The following ULK4 variants were observed in gnomAD, a reference collection of about 807,000 sequenced individuals.
ULK4 encodes the protein unc-51 like kinase 4.
Under a neutral mutation model 160.6 loss-of-function variants are expected in ULK4, and 133 were observed. The observed-to-expected ratio is 0.83, with a 90% CI of 0.72 to 0.96. The LOEUF (loss-of-function observed/expected upper bound fraction) is 0.96. Ranked by LOEUF, ULK4 falls within the 40% of genes least tolerant of loss-of-function variation. ULK4 has a pLI of 0.00. For missense variants in ULK4, 1,580 were observed against 1,499.5 expected (o/e 1.05, Z -0.89); for synonymous variants, 534 against 539.8 (o/e 0.99, Z 0.15).
intron 18 of ULK4, among the ~76,000 whole-genome samples, chr3:41,822,423 C>T (rs562027614): frequency 2.6e-5 from 4 of 151,936 alleles, no homozygotes; most frequent in South Asian, 2.1e-4. Flanking sequence ...TCGTTCGTTT[C>T]GTTTTGTTTT....
chr3:41,518,485 T>C (rs1170599917), intron 32 of ULK4, among the ~76,000 whole-genome samples: 2 of 152,220 alleles, frequency 1.3e-5, no homozygotes, highest in Non-Finnish European at 2.9e-5. Flanking sequence ...ACTTCACCCA[T>C]GAAGGTTGAC....
intron 30 of ULK4, among the ~76,000 whole-genome samples, chr3:41,635,483 T>C (rs1461260284): frequency 6.6e-6 from 1 of 152,012 alleles, no homozygotes; most frequent in Non-Finnish European, 1.5e-5. Flanking sequence ...TTAGAAAAAA[T>C]AGAAAAGTAT....
rs181486025 is a variant in ULK4, at chr3:41,581,068, C to A, written c.3121-14938G>T. ...CAAGTTTTAGCACAAGACTGGCATC[C>A]CCCATTCACCCTTTCCCAGAATATA... On this transcript the variant is annotated intron_variant, in intron 31 of 36. Coordinates refer to ENST00000301831, the MANE Select transcript of ULK4 (RefSeq NM_017886.4). Among the ~76,000 whole-genome samples, 40 of 152,196 alleles carry A rather than the reference C, an allele frequency of 2.6e-4. 1 individual carries two copies. The East Asian group carries it at 6.8e-3, about 26-fold the overall frequency.
chr3:41,433,365 T>C (rs1216668450), intron 34 of ULK4, among the ~76,000 whole-genome samples: 2 of 152,180 alleles, frequency 1.3e-5, no homozygotes, highest in Non-Finnish European at 2.9e-5. Context: ...AAACAGACAA[T>C]CTTTTGATGA....
At chr3:41,537,918 G>A (rs536873538) in intron 32 of ULK4, among the ~76,000 whole-genome samples, 62 of 132,128 alleles carry the variant, frequency 4.7e-4, no homozygotes, top group African/African-American at 1.9e-3. Context: ...AATGTCCTTT[G>A]TGGCATTTTT....
chr3:41,803,545 T>A lies in ULK4; in HGVS notation c.1849-3252A>T, dbSNP rs567941567. On this transcript the variant is annotated intron_variant, in intron 19 of 36. Transcript: ENST00000301831. Reference sequence around the variant, plus strand: ...ACATGTGCACAATGTGCAGGTTAGTTACATATGTATACATGTGCCATGCTG... The same window carrying A: ...ACATGTGCACAATGTGCAGGTTAGTAACATATGTATACATGTGCCATGCTG... Among the ~76,000 whole-genome samples the A allele has an allele frequency of 1.2e-4, 18 of 152,282 alleles. No individual in the cohort carries two copies. The East Asian group carries it at 1.9e-3, about 16-fold the overall frequency.
intron 36 of ULK4, among the ~76,000 whole-genome samples, chr3:41,247,496 T>C (rs1482674235): frequency 6.6e-6 from 1 of 152,166 alleles, no homozygotes; most frequent in Non-Finnish European, 1.5e-5. Flanking sequence ...TTTAAAACTA[T>C]GTTTAACAAC....
chr3:41,956,109 G>A (rs896079288), intron 1 of ULK4, among the ~76,000 whole-genome samples: 1 of 152,188 alleles, frequency 6.6e-6, no homozygotes, highest in Non-Finnish European at 1.5e-5. Flanking sequence ...CCTTTTCTAT[G>A]CAGCAGATGA....
chr3:41,951,144 C>CAAAAAAA (rs34524276), intron 2 of ULK4, among the ~76,000 whole-genome samples: 3 of 64,650 alleles, frequency 4.6e-5, no homozygotes, highest in African/African-American at 6.9e-5. Flanking sequence ...GGCTTCGTCT[C>CAAAAAAA]AAAAAAAAAA....
At chr3:41,296,848 G>C (rs536827350) in intron 35 of ULK4, among the ~76,000 whole-genome samples, 1 of 151,984 alleles carries the variant, frequency 6.6e-6, no homozygotes, top group African/African-American at 2.4e-5. Context: ...TGAGAGGGAG[G>C]GAAGAAGAAA....
chr3:41,420,585 T>A (rs935167925), intron 34 of ULK4, among the ~76,000 whole-genome samples: 5 of 147,820 alleles, frequency 3.4e-5, no homozygotes, highest in African/African-American at 1.2e-4. Context: ...TGGGTTCATG[T>A]GATTCTCCTG....
chr3:41,488,421 T>C (rs922199662), intron 32 of ULK4, among the ~76,000 whole-genome samples: 3 of 152,068 alleles, frequency 2.0e-5, no homozygotes, highest in Non-Finnish European at 4.4e-5. Context: ...TAGTTGTGCT[T>C]GGTAAGCTCT....
intron 1 of ULK4, among the ~76,000 whole-genome samples, chr3:41,960,086 G>A (rs1365140358): frequency 6.6e-6 from 1 of 151,500 alleles, no homozygotes; most frequent in Non-Finnish European, 1.5e-5. Flanking sequence ...GAACCCCTGG[G>A]CTCAAGCAAT....
intron 22 of ULK4, 39 bp from the exon 23 acceptor site, chr3:41,717,900 A>T: frequency 6.3e-7 from 1 of 1,593,542 alleles, no homozygotes; most frequent in Non-Finnish European, 8.6e-7. Context: ...TCTCATGATA[A>T]AACACTTGAT....
chr3:41,487,675 A>G (rs757682154), intron 32 of ULK4, among the ~76,000 whole-genome samples: 2 of 152,162 alleles, frequency 1.3e-5, no homozygotes, highest in Admixed American at 6.5e-5. Flanking sequence ...CATATCATTC[A>G]TAAAAACAAA....
chr3:41,819,589 A>G (rs1469389447), intron 18 of ULK4, 83 bp from the exon 19 acceptor site: 2 of 1,177,950 alleles, frequency 1.7e-6, no homozygotes, highest in South Asian at 1.3e-5. Context: ...GCACAGCTCC[A>G]AGTATACAAA....
intron 32 of ULK4, among the ~76,000 whole-genome samples, chr3:41,476,740 AATT>A (rs943034204): frequency 1.3e-5 from 2 of 151,718 alleles, no homozygotes; most frequent in Non-Finnish European, 2.9e-5. Flanking sequence ...CCCTTTTTTT[AATT>A]ATTATTATTT....
At chr3:41,732,801 T>C (rs1025558070) in intron 22 of ULK4, among the ~76,000 whole-genome samples, 20 of 152,088 alleles carry the variant, frequency 1.3e-4, no homozygotes, top group African/African-American at 1.4e-4. Flanking sequence ...ATAAAAAGAA[T>C]GAAATCTTGT....
chr3:41,882,163 G>A, intron 17 of ULK4: 5 of 701,724 alleles, frequency 7.1e-6, no homozygotes, highest in Non-Finnish European at 1.3e-5. Context: ...TGCTGATACA[G>A]TTTTATTTAT....
Sources: allele counts gnomAD v4.1 joint callset (sites outside exome capture counted in the v4.1 genomes callset), GRCh38; gene constraint gnomAD v4.1.1; transcripts MANE v1.5; gene names NCBI Gene and HGNC (gene_info 2026-07-23, HGNC 2026-07-21).